KCNMA1: variants seen among roughly 807,000 people sequenced by gnomAD.
The protein encoded by KCNMA1 is potassium calcium-activated channel subfamily M alpha 1.
A neutral mutation model predicts 140.0 loss-of-function variants in KCNMA1; 29 were observed. The observed-to-expected ratio is 0.21, with a 90% CI of 0.15 to 0.28. KCNMA1 has a LOEUF of 0.28. KCNMA1 is among the 10% of genes least tolerant of loss of function. The pLI, the probability that KCNMA1 is intolerant of heterozygous loss-of-function variation, is 1.00. For missense variants in KCNMA1, 880 were observed against 1,602.2 expected, an observed-to-expected ratio of 0.55 and a Z score of 7.70; for synonymous variants, 612 against 611.9, an observed-to-expected ratio of 1.00 and a Z score of 0.00.
chr10:77,383,029 T>TA lies in KCNMA1; in HGVS notation c.540+20832_540+20833insT, dbSNP rs1566450922. Among the ~76,000 whole-genome samples, 1,112 of 113,136 alleles carry TA rather than the reference T, an allele frequency of 9.8e-3. 72 individuals are homozygous for TA. The highest frequency in any genetic ancestry group is 0.036 in the African/African-American group (1,044 of 29,290). The allele number at this position is 113,136 out of a possible 152,430, so 74.2% of individuals were successfully genotyped here. On this transcript the variant is annotated intron_variant, in intron 2 of 27. Transcript: ENST00000286628. ...ATATATATATATATATATATATATA[T>TA]TCCAAGTGGAGGAAAGAAGTTTTCA...
intron 1 of KCNMA1, among the ~76,000 whole-genome samples, chr10:77,538,818 C>T (rs1223733429): frequency 6.6e-6 from 1 of 152,150 alleles, no homozygotes; most frequent in Non-Finnish European, 1.5e-5. Context: ...GCATCTAATC[C>T]CATTGCTCCC....
chr10:77,181,539 T>C (rs1157488494), intron 5 of KCNMA1, among the ~76,000 whole-genome samples: 1 of 152,144 alleles, frequency 6.6e-6, no homozygotes, highest in African/African-American at 2.4e-5. Context: ...TTCGAAGTCA[T>C]CTAGCCAAAT....
At chr10:77,387,606 TCTTTC>T (rs1256076086) in intron 2 of KCNMA1, among the ~76,000 whole-genome samples, 4 of 138,894 alleles carry the variant, frequency 2.9e-5, no homozygotes, top group Non-Finnish European at 6.2e-5. Context: ...TCTTTTCTTT[TCTTTC>T]TTTTCTTTTC....
intron 1 of KCNMA1, among the ~76,000 whole-genome samples, chr10:77,506,596 A>AGAGAGTGTGTGTGTGTGTGTGTGTGT: frequency 9.6e-5 from 8 of 83,570 alleles, no homozygotes; most frequent in African/African-American, 4.5e-4. Flanking sequence ...AGAGAGAGAG[A>AGAGAGTGTGTGTGTGTGTGTGTGTGT]GTGTGTGTGT....
At chr10:77,097,055 A>T (rs2096951456) in intron 9 of KCNMA1, among the ~76,000 whole-genome samples, 1 of 152,050 alleles carries the variant, frequency 6.6e-6, no homozygotes, top group Non-Finnish European at 1.5e-5. Flanking sequence ...TTGCCCCCCT[A>T]GGTTGACCTT....
intron 2 of KCNMA1, among the ~76,000 whole-genome samples, chr10:77,340,684 G>C (rs779920350): frequency 1.1e-3 from 159 of 151,298 alleles, no homozygotes; most frequent in South Asian, 1.9e-3. Context: ...ACACAGGAAA[G>C]GGAACATCAC....
At chr10:77,571,971 G>T (rs988919063) in intron 1 of KCNMA1, among the ~76,000 whole-genome samples, 1 of 152,170 alleles carries the variant, frequency 6.6e-6, no homozygotes, top group Non-Finnish European at 1.5e-5. Flanking sequence ...GACCTATAAG[G>T]CTAATGGAAG....
At chr10:77,234,257 G>C (rs1328039550) in intron 3 of KCNMA1, among the ~76,000 whole-genome samples, 2 of 152,018 alleles carry the variant, frequency 1.3e-5, no homozygotes, top group Non-Finnish European at 2.9e-5. Flanking sequence ...TCTGAGAAAG[G>C]GGTCATAGTC....
intron 25 of KCNMA1, among the ~76,000 whole-genome samples, chr10:76,909,501 C>A (rs1340826096): frequency 1.3e-5 from 2 of 152,188 alleles, no homozygotes; most frequent in Non-Finnish European, 2.9e-5. Context: ...GCAGGTCTAA[C>A]CTTGGCCATC....
chr10:77,337,513 G>A (rs1177240708), intron 2 of KCNMA1, among the ~76,000 whole-genome samples: 6 of 152,152 alleles, frequency 3.9e-5, no homozygotes, highest in Non-Finnish European at 5.9e-5. Flanking sequence ...CCAGCTACTC[G>A]GGAGGTTGAG....
intron 25 of KCNMA1, chr10:76,903,440 C>A (rs1486850391): frequency 6.7e-6 from 1 of 149,384 alleles, no homozygotes; most frequent in East Asian, 2.0e-4. Flanking sequence ...TAGTATTTTT[C>A]TTTCGTGAGG....
chr10:77,039,176 A>G, intron 15 of KCNMA1: 1 of 340,750 alleles, frequency 2.9e-6, no homozygotes, highest in Non-Finnish European at 5.5e-6. Context: ...GGCTGGCAAG[A>G]TTTGTTTTGC....
chr10:77,483,927 C>G (rs1203758274), intron 1 of KCNMA1, among the ~76,000 whole-genome samples: 1 of 152,178 alleles, frequency 6.6e-6, no homozygotes, highest in African/African-American at 2.4e-5. Context: ...GTTTTCATGA[C>G]TTGCAGGTGA....
chr10:77,471,525 TACAC>T (rs1395446095), intron 1 of KCNMA1, among the ~76,000 whole-genome samples: 2 of 145,374 alleles, frequency 1.4e-5, no homozygotes, highest in South Asian at 2.2e-4. Context: ...ACCATACACA[TACAC>T]ACAGCACACA....
chr10:77,266,100 G>A (rs938352605), intron 2 of KCNMA1, among the ~76,000 whole-genome samples: 3 of 147,746 alleles, frequency 2.0e-5, no homozygotes, highest in East Asian at 3.9e-4. Flanking sequence ...AAAATACCTC[G>A]TAGGCTTAGA....
chr10:77,257,407 G>A (rs751927909), intron 2 of KCNMA1, among the ~76,000 whole-genome samples: 21 of 152,094 alleles, frequency 1.4e-4, no homozygotes, highest in African/African-American at 2.4e-4. Flanking sequence ...TGTAAGAAGC[G>A]CTACACATAT....
intron 2 of KCNMA1, among the ~76,000 whole-genome samples, chr10:77,318,013 A>G (rs2081329188): frequency 6.6e-6 from 1 of 152,208 alleles, no homozygotes; most frequent in Admixed American, 6.5e-5. Context: ...AGAGGCATTT[A>G]CAAAATAAAG....
At chr10:77,284,075 T>C (rs1042516814) in intron 2 of KCNMA1, among the ~76,000 whole-genome samples, 1 of 152,060 alleles carries the variant, frequency 6.6e-6, no homozygotes, top group Non-Finnish European at 1.5e-5. Context: ...AGAAAGACTA[T>C]GGCGTGGTGA....
intron 3 of KCNMA1, among the ~76,000 whole-genome samples, chr10:77,233,012 A>T (rs1201311811): frequency 2.0e-5 from 3 of 151,824 alleles, no homozygotes; most frequent in Non-Finnish European, 4.4e-5. Context: ...TCAGCCTCTC[A>T]AGTAGCTGGG....
Sources: allele counts gnomAD v4.1 joint callset (sites outside exome capture counted in the v4.1 genomes callset), GRCh38; gene constraint gnomAD v4.1.1; transcripts MANE v1.5; gene names NCBI Gene and HGNC (gene_info 2026-07-23, HGNC 2026-07-21).